AFTPH: variants seen among roughly 807,000 people sequenced by gnomAD.
AFTPH encodes the protein aftiphilin protein.
In AFTPH, 7 loss-of-function variants were observed where a neutral mutation model predicts 72.5. The ratio of observed to expected loss-of-function variants is 0.10; its 90% CI spans 0.05 to 0.18. The LOEUF (loss-of-function observed/expected upper bound fraction) is 0.18. AFTPH is among the 10% of genes least tolerant of loss of function. AFTPH has a pLI of 1.00. For missense variants in AFTPH, 979 were observed against 1,060.5 expected (o/e 0.92, Z 1.07); for synonymous variants, 337 against 370.1 (o/e 0.91, Z 1.03).
intron 1 of AFTPH, among the ~76,000 whole-genome samples, chr2:64,526,714 A>T (rs10203274): frequency 0.018 from 2,735 of 152,360 alleles, 71 homozygotes; most frequent in East Asian, 0.11. Context: ...TATCAGATAT[A>T]GTCACAAGTT....
chr2:64,530,191 C>A (rs919761795), intron 1 of AFTPH, among the ~76,000 whole-genome samples: 8 of 152,072 alleles, frequency 5.3e-5, no homozygotes, highest in Non-Finnish European at 1.2e-4. Context: ...CTCACTGTTA[C>A]AGTTTATATA....
At chr2:64,525,086 C>G (rs554056508) in intron 1 of AFTPH, among the ~76,000 whole-genome samples, 1 of 152,216 alleles carries the variant, frequency 6.6e-6, no homozygotes, top group African/African-American at 2.4e-5. Context: ...GTGCTGCTTC[C>G]AAGGGTCTCT....
At chr2:64,583,255 C>T (rs908873514) in intron 7 of AFTPH, among the ~76,000 whole-genome samples, 3 of 149,156 alleles carry the variant, frequency 2.0e-5, no homozygotes, top group Non-Finnish European at 3.0e-5. Context: ...AGGAGGTTGG[C>T]ATAGAACTTG....
At position 64,567,557 on chromosome 2, in the gene AFTPH, TG is replaced by T. The variant is rs778703539; in HGVS notation, c.1936-4del. 1 of 1,595,774 alleles carries T rather than the reference TG, an allele frequency of 6.3e-7. No homozygotes were observed. Among genetic ancestry groups the T allele is most frequent in the African/African-American group, 1.4e-5 (1 of 73,760 alleles). On this transcript the variant is annotated splice_polypyrimidine_tract_variant and splice_region_variant and intron_variant, in intron 2 of 8. Coordinates refer to ENST00000238856, the Ensembl canonical transcript of AFTPH. Reference sequence around the variant, plus strand: ...AATAAACTTTTGGGGGGTGTTTTGATGCAGACAGCTTTATTAAACCGCCTGG... The same window carrying T: ...AATAAACTTTTGGGGGGTGTTTTGATCAGACAGCTTTATTAAACCGCCTGG...
intron 8 of AFTPH, among the ~76,000 whole-genome samples, chr2:64,587,322 T>A (rs1393425426): frequency 6.6e-6 from 1 of 152,234 alleles, no homozygotes; most frequent in African/African-American, 2.4e-5. Flanking sequence ...GAGAACAGGT[T>A]GCCAACTTTG....
At chr2:64,584,342 A>AT (rs1449704204) in intron 7 of AFTPH, among the ~76,000 whole-genome samples, 2 of 151,982 alleles carry the variant, frequency 1.3e-5, no homozygotes, top group East Asian at 1.9e-4. Context: ...GATGGGGGAG[A>AT]TTTTTTAAAT....
chr2:64,533,261 T>C (rs1296452223), intron 1 of AFTPH, among the ~76,000 whole-genome samples: 4 of 152,008 alleles, frequency 2.6e-5, no homozygotes, highest in African/African-American at 9.7e-5. Flanking sequence ...TAGCCAGATA[T>C]GGTGGCAGGC....
At chr2:64,552,764 T>A (rs756849245) in exon 2 of AFTPH, 1 of 1,614,120 alleles carries the variant, frequency 6.2e-7, no homozygotes, top group East Asian at 2.2e-5. Context: ...TCAATGAAGA[T>A]GATTTTGGTG....
intron 6 of AFTPH, 41 bp downstream of exon 6, chr2:64,573,109 A>T: frequency 6.9e-7 from 1 of 1,459,468 alleles, no homozygotes; most frequent in Non-Finnish European, 9.6e-7. Flanking sequence ...TTATGCGTGT[A>T]TATACACATA....
intron 8 of AFTPH, among the ~76,000 whole-genome samples, 183 bp downstream of exon 9, chr2:64,585,728 C>T (rs996096266): frequency 6.6e-6 from 1 of 152,104 alleles, no homozygotes; most frequent in African/African-American, 2.4e-5. Context: ...TTTATTAGAA[C>T]AGGATTATTT....
intron 2 of AFTPH, among the ~76,000 whole-genome samples, chr2:64,559,087 G>C (rs10202273): frequency 6.6e-6 from 1 of 152,202 alleles, no homozygotes; most frequent in African/African-American, 2.4e-5. Flanking sequence ...TCAAGGACCT[G>C]CTGTCCTTTA....
At chr2:64,529,644 T>G (rs1037583600) in intron 1 of AFTPH, among the ~76,000 whole-genome samples, 7 of 151,600 alleles carry the variant, frequency 4.6e-5, no homozygotes, top group Non-Finnish European at 7.4e-5. Flanking sequence ...TTTTTTTTTT[T>G]TTTGAGACAG....
rs1327353527 is a variant in AFTPH, at chr2:64,585,876, A to T, written c.2579+331A>T. ...ATAGAAACACTCTCCCTTTCTCTTCATAATTACTGAGAAGATCATCTTTGA... is the reference window on the plus strand; with the variant it reads ...ATAGAAACACTCTCCCTTTCTCTTCTTAATTACTGAGAAGATCATCTTTGA... On this transcript the variant is annotated intron_variant, in intron 8 of 8. Transcript: ENST00000238856. 2.8e-5 allele frequency among the ~76,000 whole-genome samples: 4 copies of T among 144,196 alleles called. No homozygotes were observed. The Admixed American group carries it at 3.0e-4, about 11-fold the overall frequency. 94.6% of individuals were successfully genotyped at this position (144,196 alleles called of 152,430 possible).
chr2:64,548,113 G>T (rs1233183358), intron 1 of AFTPH, among the ~76,000 whole-genome samples: 1 of 147,274 alleles, frequency 6.8e-6, no homozygotes, highest in Non-Finnish European at 1.5e-5. Flanking sequence ...TAGAAAAAGG[G>T]CCGGGCGCGG....
intron 6 of AFTPH, among the ~76,000 whole-genome samples, chr2:64,575,737 GTGTGTA>G (rs751369666): frequency 0.024 from 1,998 of 81,590 alleles, 18 homozygotes; most frequent in Non-Finnish European, 0.032. Context: ...GTGTGTGTGT[GTGTGTA>G]TATATTTTTT....
chr2:64,581,534 C>T (rs564670291), intron 7 of AFTPH, among the ~76,000 whole-genome samples: 1 of 151,932 alleles, frequency 6.6e-6, no homozygotes, highest in African/African-American at 2.4e-5. Flanking sequence ...CAGTTAAAGG[C>T]AGGGCTGTTG....
At chr2:64,546,313 T>C (rs1670615712) in intron 1 of AFTPH, among the ~76,000 whole-genome samples, 1 of 152,132 alleles carries the variant, frequency 6.6e-6, no homozygotes, top group Non-Finnish European at 1.5e-5. Context: ...TTTTAAAAGG[T>C]GTTATGAGCA....
At chr2:64,545,589 AAAAAAAAAAAAAAAAAAAAAAAAG>A (rs1214168456) in intron 1 of AFTPH, among the ~76,000 whole-genome samples, 3 of 125,382 alleles carry the variant, frequency 2.4e-5, no homozygotes, top group Non-Finnish European at 4.7e-5. Context: ...AAAAAAAAAA[AAAAAAAAAAAAAAAAAAAAAAAAG>A]ACCTGACCTA....
At chr2:64,538,528 T>C (rs1446700642) in intron 1 of AFTPH, among the ~76,000 whole-genome samples, 1 of 152,246 alleles carries the variant, frequency 6.6e-6, no homozygotes, top group African/African-American at 2.4e-5. Context: ...GTTTGTTTTA[T>C]AATAATTCCC....
Sources: gnomAD v4.1 joint callset for allele counts (sites outside exome capture counted in the v4.1 genomes callset) on GRCh38, gnomAD v4.1.1 for gene constraint, MANE v1.5 for transcripts, NCBI Gene and HGNC (gene_info 2026-07-23, HGNC 2026-07-21) for gene names.